NALCN: variants seen among roughly 807,000 people sequenced by gnomAD.
NALCN encodes the protein sodium leak channel NALCN.
Under a neutral mutation model 225.3 loss-of-function variants are expected in NALCN, and 111 were observed. That is an observed-to-expected ratio of 0.49 (90% confidence interval 0.42 to 0.58). The LOEUF is 0.58. Ranked by LOEUF, NALCN falls within the 20% of genes least tolerant of loss-of-function variation. The pLI, the probability that NALCN is intolerant of heterozygous loss-of-function variation, is 0.00. For synonymous variants in NALCN, 764 were observed against 769.0 expected (o/e 0.99, Z 0.11); for missense variants, 1,378 against 2,202.4 (o/e 0.63, Z 7.49).
intron 13 of NALCN, among the ~76,000 whole-genome samples, chr13:101,216,132 T>C (rs982762581): frequency 6.6e-6 from 1 of 152,094 alleles, no homozygotes; most frequent in Admixed American, 6.6e-5. Context: ...GTATAAAGAA[T>C]GTATTATATA....
chr13:101,329,387 C>G lies in NALCN; in HGVS notation c.799+15879G>C, dbSNP rs576626346. Among the ~76,000 whole-genome samples the G allele has an allele frequency of 5.4e-4, 82 of 152,230 alleles. 1 individual carries two copies. The highest frequency in any genetic ancestry group is 3.4e-3 in the Middle Eastern group (1 of 294). On this transcript the variant is annotated intron_variant, in intron 7 of 43. Transcript: ENST00000251127. ...AAGCTTAAGCATCCCAAATCTTAATCCACTGGAATTGTTCTCAGTACTCAA... is the reference window on the plus strand; with the variant it reads ...AAGCTTAAGCATCCCAAATCTTAATGCACTGGAATTGTTCTCAGTACTCAA...
intron 27 of NALCN, among the ~76,000 whole-genome samples, chr13:101,098,877 G>A (rs1281968398): frequency 6.6e-6 from 1 of 151,750 alleles, no homozygotes; most frequent in Non-Finnish European, 1.5e-5. Context: ...GCTTGGTGCT[G>A]GTGCTCTCTA....
In NALCN at chr13:101,122,551, T is replaced by C. The variant is rs529633542; in HGVS notation, c.2192+2057A>G. 1.2e-3 allele frequency among the ~76,000 whole-genome samples: 180 copies of C among 152,346 alleles called. 1 individual carries two copies. Among genetic ancestry groups the C allele is most frequent in the African/African-American group, 4.1e-3 (171 of 41,580 alleles). On this transcript the variant is annotated intron_variant, in intron 18 of 43. Transcript: ENST00000251127. ...ATAATTGAAAAAACAAAAACACTTC[T>C]GTATATTTAAAAATCAGCAACTATA...
intron 6 of NALCN, among the ~76,000 whole-genome samples, chr13:101,367,811 C>T (rs1452004932): frequency 6.6e-6 from 1 of 151,932 alleles, no homozygotes; most frequent in East Asian, 1.9e-4. Flanking sequence ...TTTTAGGTTT[C>T]AGCTTCTTTG....
At chr13:101,080,098 T>A (rs2033527341) in intron 34 of NALCN, among the ~76,000 whole-genome samples, 1 of 152,212 alleles carries the variant, frequency 6.6e-6, no homozygotes. Context: ...TCTCACTTGA[T>A]CTTCATAATG....
In NALCN at chr13:101,055,108, T is replaced by C; in HGVS notation, c.*187A>G. ...ATTATACAAAAATTTTTTTGAGCAA[T>C]GATTGATAGTAACCCATCATACATG... On this transcript the variant is annotated 3_prime_UTR_variant, in exon 44 of 44. Transcript: ENST00000251127. The C allele has an allele frequency of 1.7e-6, 1 of 575,844 alleles. No homozygotes were observed. Among genetic ancestry groups the C allele is most frequent in the Non-Finnish European group, 3.0e-6 (1 of 331,688 alleles). The allele number at this position is 575,844 out of a possible 1,614,324, so 35.7% of individuals were successfully genotyped here. A position where few individuals can be genotyped will look rare whatever the true frequency, so the allele number is the denominator to read the frequency against.
chr13:101,158,295 G>T (rs575716576), intron 15 of NALCN, among the ~76,000 whole-genome samples: 2 of 152,340 alleles, frequency 1.3e-5, no homozygotes, highest in South Asian at 2.1e-4. Context: ...CGTCCTAAGA[G>T]AAAGAGAATC....
chr13:101,347,405 G>A lies in NALCN; in HGVS notation c.645-1985C>T, dbSNP rs184070004. ...AACCCAAGGGAAAGGCTCTAATTGT[G>A]GAAATTACCACAATTGGGTGGGTCA... On this transcript the variant is annotated intron_variant, in intron 6 of 43. Coordinates refer to ENST00000251127, the MANE Select transcript of NALCN (RefSeq NM_052867.4). Among the ~76,000 whole-genome samples, 10 of 152,130 alleles carry A rather than the reference G, an allele frequency of 6.6e-5. No homozygotes were observed. In the East Asian group the frequency reaches 1.7e-3, roughly 26 times the overall value.
rs1436356090 is a variant in NALCN, at chr13:101,242,625, ATAT to A, written c.1267-4706_1267-4704del. On this transcript the variant is annotated intron_variant, in intron 11 of 43. Coordinates refer to ENST00000251127, the MANE Select transcript of NALCN (RefSeq NM_052867.4). The stretch of plus-strand genomic sequence containing the variant: ...CTTTTTTCAAAGATCCCTATTTGAC[ATAT>A]TTATTATTATCTATTGAGATCCAAT... Among the ~76,000 whole-genome samples the A allele has an allele frequency of 3.8e-5, 4 of 106,478 alleles. 2 individuals carry two copies. Among genetic ancestry groups the A allele is most frequent in the Non-Finnish European group, 8.4e-5 (4 of 47,552 alleles). The allele number at this position is 106,478 out of a possible 152,430, so 69.9% of individuals were successfully genotyped here. A position where few individuals can be genotyped will look rare whatever the true frequency, so the allele number is the denominator to read the frequency against.
chr13:101,407,496 T>C (rs891589333), intron 1 of NALCN, among the ~76,000 whole-genome samples: 4 of 152,250 alleles, frequency 2.6e-5, no homozygotes, highest in Non-Finnish European at 5.9e-5. Context: ...CTGTGCATAA[T>C]TATAGAATAG....
chr13:101,365,394 TGCATAG>T, intron 6 of NALCN, among the ~76,000 whole-genome samples: 1 of 152,202 alleles, frequency 6.6e-6, no homozygotes, highest in Non-Finnish European at 1.5e-5. Flanking sequence ...TTCTCATGGC[TGCATAG>T]CATTCCATGA....
At chr13:101,284,574 T>A (rs1355298820) in intron 9 of NALCN, among the ~76,000 whole-genome samples, 3 of 152,150 alleles carry the variant, frequency 2.0e-5, no homozygotes, top group Non-Finnish European at 2.9e-5. Context: ...AAAGAACTGG[T>A]GTTATTTTAA....
intron 13 of NALCN, among the ~76,000 whole-genome samples, chr13:101,193,765 G>A (rs1015083991): frequency 2.0e-5 from 3 of 151,932 alleles, no homozygotes; most frequent in Non-Finnish European, 1.5e-5. Flanking sequence ...CATCATTGAG[G>A]GCAATTATTT....
chr13:101,066,863 C>T (rs1280378912), intron 39 of NALCN, among the ~76,000 whole-genome samples: 1 of 152,034 alleles, frequency 6.6e-6, no homozygotes, highest in Non-Finnish European at 1.5e-5. Flanking sequence ...CAGATCTCGC[C>T]CCAAATACCC....
At chr13:101,358,446 G>A (rs886624434) in intron 6 of NALCN, among the ~76,000 whole-genome samples, 1 of 152,126 alleles carries the variant, frequency 6.6e-6, no homozygotes, top group African/African-American at 2.4e-5. Flanking sequence ...ATGAAAAAAA[G>A]CTCAACACCA....
intron 6 of NALCN, chr13:101,369,143 C>T (rs1018365738): frequency 2.8e-5 from 6 of 215,866 alleles, no homozygotes; most frequent in Middle Eastern, 9.7e-4. Flanking sequence ...AACAAAGAGT[C>T]ACATAAAAAG....
At chr13:101,195,148 A>C (rs75995677) in intron 13 of NALCN, among the ~76,000 whole-genome samples, 1,572 of 152,360 alleles carry the variant, frequency 0.01, 28 homozygotes, top group African/African-American at 0.036. Context: ...AAATGAAGCA[A>C]CTGACCTCAG....
At chr13:101,378,686 A>C (rs772830470) in intron 3 of NALCN, 33 bp from the exon 4 acceptor site, 1 of 1,535,698 alleles carries the variant, frequency 6.5e-7, no homozygotes, top group African/African-American at 1.4e-5. Context: ...ATTATTAGGC[A>C]AAGCAAATAT....
Position 101,224,253 on chromosome 13 carries a change from C to T in NALCN, c.1626+5140G>A, listed in dbSNP as rs143113211. Among the ~76,000 whole-genome samples the T allele has an allele frequency of 2.9e-3, 437 of 152,226 alleles. 2 individuals are homozygous for T. The highest frequency in any genetic ancestry group is 0.01 in the African/African-American group (418 of 41,542). ...TAAGCTGCTTATGTCTCTTTCTCTC[C>T]CAAACTTTCACTGCTTCCTAACCAA... On this transcript the variant is annotated intron_variant, in intron 13 of 43. Coordinates refer to ENST00000251127, the MANE Select transcript of NALCN (RefSeq NM_052867.4).
Sources: gnomAD v4.1 joint callset for allele counts (sites outside exome capture counted in the v4.1 genomes callset) on GRCh38, gnomAD v4.1.1 for gene constraint, MANE v1.5 for transcripts, NCBI Gene and HGNC (gene_info 2026-07-23, HGNC 2026-07-21) for gene names.